Variants in ZCCHC7 observed in about 807,000 individuals in gnomAD.
ZCCHC7 encodes the protein zinc finger CCHC-type containing 7.
In ZCCHC7, 35 loss-of-function variants were observed where a neutral mutation model predicts 52.0. The ratio of observed to expected loss-of-function variants is 0.67; its 90% confidence interval spans 0.51 to 0.89. ZCCHC7 has a LOEUF of 0.89. Ranked by LOEUF, ZCCHC7 falls within the 40% of genes least tolerant of loss-of-function variation. The pLI, the probability that ZCCHC7 is intolerant of heterozygous loss-of-function variation, is 0.00. For missense variants in ZCCHC7, 574 were observed against 649.1 expected, an observed-to-expected ratio of 0.88 and a Z score of 1.26; for synonymous variants, 217 against 221.5, an observed-to-expected ratio of 0.98 and a Z score of 0.18.
chr9:37,343,157 A>G (rs910846713), intron 6 of ZCCHC7, among the ~76,000 whole-genome samples: 1 of 152,218 alleles, frequency 6.6e-6, no homozygotes, highest in African/African-American at 2.4e-5. Context: ...GAAGTGGGAG[A>G]CAGACTTCTC....
intron 2 of ZCCHC7, among the ~76,000 whole-genome samples, chr9:37,194,956 T>C (rs1254229730): frequency 6.6e-6 from 1 of 150,982 alleles, no homozygotes; most frequent in East Asian, 1.9e-4. Context: ...TCTTTTTTTT[T>C]TTTTTTTTGA....
chr9:37,202,437 G>T (rs1283698698), intron 2 of ZCCHC7, among the ~76,000 whole-genome samples: 2 of 152,204 alleles, frequency 1.3e-5, no homozygotes, highest in African/African-American at 4.8e-5. Context: ...TTTAATTAAA[G>T]AGAAGCACAT....
intron 1 of ZCCHC7, among the ~76,000 whole-genome samples, chr9:37,122,201 T>C (rs1236023740): frequency 2.0e-5 from 3 of 152,190 alleles, no homozygotes; most frequent in Non-Finnish European, 4.4e-5. Context: ...GCAGAAGGAT[T>C]GATTAAAGAC....
At chr9:37,173,334 G>A (rs184091855) in intron 2 of ZCCHC7, among the ~76,000 whole-genome samples, 85 of 152,300 alleles carry the variant, frequency 5.6e-4, no homozygotes, top group African/African-American at 1.9e-3. Flanking sequence ...CCATTAACCA[G>A]AATAAGAAAA....
At chr9:37,132,928 G>T (rs949930284) in intron 2 of ZCCHC7, among the ~76,000 whole-genome samples, 7 of 152,158 alleles carry the variant, frequency 4.6e-5, no homozygotes, top group African/African-American at 1.4e-4. Flanking sequence ...CACGAGGTCT[G>T]GAGTTCGAGA....
At chr9:37,311,996 G>A (rs576154798) in intron 5 of ZCCHC7, among the ~76,000 whole-genome samples, 1 of 152,120 alleles carries the variant, frequency 6.6e-6, no homozygotes, top group Non-Finnish European at 1.5e-5. Context: ...AGTTACTAGA[G>A]CATTATTTTT....
chr9:37,156,978 T>G (rs1339740181), intron 2 of ZCCHC7, among the ~76,000 whole-genome samples: 1 of 152,064 alleles, frequency 6.6e-6, no homozygotes, highest in Non-Finnish European at 1.5e-5. Flanking sequence ...ATATAACCTG[T>G]TGATCCTATA....
intron 2 of ZCCHC7, among the ~76,000 whole-genome samples, chr9:37,188,478 T>A (rs1479247568): frequency 6.9e-6 from 1 of 145,138 alleles, no homozygotes; most frequent in Non-Finnish European, 1.5e-5. Flanking sequence ...TCCTCTCATC[T>A]TCTCTCCCCC....
At chr9:37,215,383 A>G (rs185395451) in intron 2 of ZCCHC7, among the ~76,000 whole-genome samples, 1 of 152,302 alleles carries the variant, frequency 6.6e-6, no homozygotes, top group East Asian at 1.9e-4. Flanking sequence ...ATAACTCCTC[A>G]TTTCGAAAGA....
At position 37,126,914 on chromosome 9, in the gene ZCCHC7, T is replaced by C. The variant is rs1316841148; in HGVS notation, c.582T>C (p.Leu194=). ...DDKDDDILLN[L]VGCENSVTEG... is the part of the protein sequence containing the mutation. ...AAGATGATGATATCCTTCTCAACCT[T>C]GTGGGATGTGAAAACTCTGTTACTG... The change falls in exon 2 of 9, where the codon CTT becomes CTC. Residue 194 remains leucine, a synonymous_variant. Transcript: ENST00000336755. 21 of 1,613,892 alleles carry C rather than the reference T, an allele frequency of 1.3e-5. No individual in the cohort carries two copies. Among genetic ancestry groups the C allele is most frequent in the Non-Finnish European group, 1.8e-5 (21 of 1,179,956 alleles).
chr9:37,246,998 C>G (rs1826107948), intron 2 of ZCCHC7, among the ~76,000 whole-genome samples: 1 of 152,148 alleles, frequency 6.6e-6, no homozygotes, highest in Non-Finnish European at 1.5e-5. Context: ...GTTAACTGTA[C>G]TCACCATGTT....
chr9:37,209,230 C>T (rs900342055), intron 2 of ZCCHC7, among the ~76,000 whole-genome samples: 12 of 151,816 alleles, frequency 7.9e-5, no homozygotes, highest in Admixed American at 2.0e-4. Flanking sequence ...TTAGTAGAGA[C>T]GGGGTTTCAC....
chr9:37,293,306 G>A (rs775009401), intron 2 of ZCCHC7, among the ~76,000 whole-genome samples: 5 of 152,160 alleles, frequency 3.3e-5, no homozygotes, highest in Non-Finnish European at 7.4e-5. Flanking sequence ...CAAGTAAGCA[G>A]AGAACCAGAC....
intron 5 of ZCCHC7, among the ~76,000 whole-genome samples, chr9:37,311,035 T>C (rs1829576450): frequency 6.6e-6 from 1 of 151,856 alleles, no homozygotes; most frequent in South Asian, 2.1e-4. Flanking sequence ...AAATAAATTT[T>C]ACCTTAGGTT....
intron 2 of ZCCHC7, among the ~76,000 whole-genome samples, chr9:37,238,357 T>TAC (rs1825742336): frequency 6.6e-6 from 1 of 152,202 alleles, no homozygotes; most frequent in South Asian, 2.1e-4. Context: ...TGAGGTGATG[T>TAC]AGCTTTTTTG....
At position 37,277,767 on chromosome 9, in the gene ZCCHC7, T is replaced by G. The variant is rs192225580; in HGVS notation, c.611-24421T>G. ...ATTCTCAGAGGGACATCCCAAGTTC[T>G]GCATATAAATGATTGTCAAATATTT... On this transcript the variant is annotated intron_variant, in intron 2 of 8. Coordinates refer to ENST00000336755, the MANE Select transcript of ZCCHC7 (RefSeq NM_032226.3). Among the ~76,000 whole-genome samples, 636 of 152,294 alleles carry G rather than the reference T, an allele frequency of 4.2e-3. 4 individuals carry two copies. Among genetic ancestry groups the G allele is most frequent in the African/African-American group, 0.015 (610 of 41,580 alleles).
Position 37,351,584 on chromosome 9 carries a change from G to A in ZCCHC7, c.1083+2132G>A, listed in dbSNP as rs536422535. On this transcript the variant is annotated intron_variant, in intron 7 of 8. Transcript: ENST00000336755. ...GGCCTCCCGAAGTGTTGAGATTACAGAAGTGAGCTACCATGCCCAGCCAAG... is the reference window on the plus strand; with the variant it reads ...GGCCTCCCGAAGTGTTGAGATTACAAAAGTGAGCTACCATGCCCAGCCAAG... Among the ~76,000 whole-genome samples the A allele has an allele frequency of 2.6e-5, 4 of 152,314 alleles. No homozygotes were observed. The South Asian group carries it at 8.3e-4, about 32-fold the overall frequency.
rs559473204 is a variant in ZCCHC7, at chr9:37,207,673, C to T, written c.610+80731C>T. On this transcript the variant is annotated intron_variant, in intron 2 of 8. Transcript: ENST00000336755. ...AAAATCGATTTTCTGTTTGTCGGAT[C>T]GGATAATTTTTACTGATCTATGTTC... Among the ~76,000 whole-genome samples, 20 of 151,644 alleles carry T rather than the reference C, an allele frequency of 1.3e-4. No homozygotes were observed. The South Asian group carries it at 1.9e-3, about 14-fold the overall frequency.
At chr9:37,168,856 C>T (rs1821572854) in intron 2 of ZCCHC7, among the ~76,000 whole-genome samples, 2 of 152,198 alleles carry the variant, frequency 1.3e-5, no homozygotes, top group Non-Finnish European at 2.9e-5. Context: ...GGGACCCGCC[C>T]TCAGGAGCCC....
Sources: allele counts gnomAD v4.1 joint callset (sites outside exome capture counted in the v4.1 genomes callset), GRCh38; gene constraint gnomAD v4.1.1; transcripts MANE v1.5; gene names NCBI Gene and HGNC (gene_info 2026-07-23, HGNC 2026-07-21).